DIAPH3: variants seen among roughly 807,000 people sequenced by gnomAD.
The protein encoded by DIAPH3 is protein diaphanous homolog 3.
A neutral mutation model predicts 144.3 loss-of-function variants in DIAPH3; 117 were observed. That is an observed-to-expected ratio of 0.81 (90% CI 0.70 to 0.95). The LOEUF (loss-of-function observed/expected upper bound fraction) is 0.95. DIAPH3 is among the 40% of genes least tolerant of loss of function. The probability of loss-of-function intolerance (pLI) is 0.00; values close to 1 mark genes in which losing one functional copy is unlikely to be tolerated. For missense variants in DIAPH3, 1,421 were observed against 1,412.7 expected, an observed-to-expected ratio of 1.01 and a Z score of -0.09; for synonymous variants, 519 against 488.9, an observed-to-expected ratio of 1.06 and a Z score of -0.81.
In DIAPH3 at chr13:59,955,503, A is replaced by G. The variant is rs559663267; in HGVS notation, c.2074+14441T>C. Among the ~76,000 whole-genome samples the G allele has an allele frequency of 2.6e-4, 39 of 152,210 alleles. 1 individual carries two copies. Among genetic ancestry groups the G allele is most frequent in the Middle Eastern group, 3.4e-3 (1 of 294 alleles). ...TTAAACTTCTTTTTCTTTATGAATT[A>G]CCCAGTCTCGGGTATATCTTTATTA... is the stretch of plus-strand genomic sequence containing the variant. On this transcript the variant is annotated intron_variant, in intron 17 of 27. Transcript: ENST00000400324.
chr13:59,795,049 G>C (rs973368631), intron 25 of DIAPH3, among the ~76,000 whole-genome samples: 1 of 152,200 alleles, frequency 6.6e-6, no homozygotes, highest in Admixed American at 6.5e-5. Context: ...CCTGTGGGCC[G>C]CAGTTAGCTC....
chr13:60,008,127 C>T (rs1369548027), intron 9 of DIAPH3, among the ~76,000 whole-genome samples: 1 of 152,176 alleles, frequency 6.6e-6, no homozygotes, highest in Non-Finnish European at 1.5e-5. Context: ...GACGCAGTGG[C>T]TCATGCCTGT....
intron 1 of DIAPH3, among the ~76,000 whole-genome samples, chr13:60,162,640 A>G (rs936629354): frequency 1.3e-5 from 2 of 152,212 alleles, no homozygotes; most frequent in African/African-American, 4.8e-5. Flanking sequence ...GTATCAGAAT[A>G]TGGGCTCTCA....
rs537323437 is a variant in DIAPH3 at position 60,072,632 on chromosome 13, T to C, written c.495+20996A>G. 9.8e-5 allele frequency among the ~76,000 whole-genome samples: 15 copies of C among 152,364 alleles called. No homozygotes were observed. In the South Asian group the frequency reaches 1.7e-3, roughly 17 times the overall value. On this transcript the variant is annotated intron_variant, in intron 4 of 27. Transcript: ENST00000400324. ...TCAAAATATACCTCATACTGCTTACTATAAGTTATAGTTACTAAAGGTCTC... is the reference window on the plus strand; with the variant it reads ...TCAAAATATACCTCATACTGCTTACCATAAGTTATAGTTACTAAAGGTCTC...
At chr13:59,799,569 G>A (rs2039797467) in intron 25 of DIAPH3, among the ~76,000 whole-genome samples, 1 of 152,148 alleles carries the variant, frequency 6.6e-6, no homozygotes, top group African/African-American at 2.4e-5. Flanking sequence ...AAAAGTATAA[G>A]AGCACATAAA....
At chr13:60,085,120 A>G (rs189586011) in intron 4 of DIAPH3, among the ~76,000 whole-genome samples, 2 of 152,220 alleles carry the variant, frequency 1.3e-5, no homozygotes, top group East Asian at 3.9e-4. Flanking sequence ...TCTCCTTACT[A>G]ATATCTGTTC....
chr13:59,989,200 A>G (rs2051636434), intron 12 of DIAPH3, among the ~76,000 whole-genome samples: 1 of 151,842 alleles, frequency 6.6e-6, no homozygotes, highest in Non-Finnish European at 1.5e-5. Flanking sequence ...GATGAAACCA[A>G]AAAATGAAGG....
chr13:60,126,920 C>G (rs1032157655), intron 2 of DIAPH3, among the ~76,000 whole-genome samples: 7 of 151,400 alleles, frequency 4.6e-5, no homozygotes, highest in African/African-American at 1.7e-4. Context: ...TGTTAGCAAA[C>G]AAAGGTATTA....
chr13:59,944,662 T>C (rs1488789383), intron 17 of DIAPH3, among the ~76,000 whole-genome samples: 1 of 152,180 alleles, frequency 6.6e-6, no homozygotes, highest in African/African-American at 2.4e-5. Context: ...CTGCTACCCA[T>C]ACCTTGTGTA....
chr13:59,945,147 T>C (rs1229914687), intron 17 of DIAPH3, among the ~76,000 whole-genome samples: 4 of 152,094 alleles, frequency 2.6e-5, no homozygotes, highest in Non-Finnish European at 5.9e-5. Flanking sequence ...AATCCACACC[T>C]CAAATCTCAT....
chr13:60,118,611 A>C (rs2058757099), intron 2 of DIAPH3, among the ~76,000 whole-genome samples: 1 of 152,194 alleles, frequency 6.6e-6, no homozygotes, highest in African/African-American at 2.4e-5. Context: ...GAGGGGGTAA[A>C]AACCTAACAG....
intron 27 of DIAPH3, among the ~76,000 whole-genome samples, chr13:59,672,844 T>C (rs1056010708): frequency 2.6e-5 from 4 of 152,192 alleles, no homozygotes; most frequent in African/African-American, 7.2e-5. Flanking sequence ...TAAAACAAAT[T>C]ATGTAAAAAC....
intron 14 of DIAPH3, among the ~76,000 whole-genome samples, chr13:59,978,379 T>A (rs1172922546): frequency 6.6e-6 from 1 of 151,536 alleles, no homozygotes; most frequent in Admixed American, 6.6e-5. Context: ...AGAAAAAAAA[T>A]TACGTTCTTA....
intron 23 of DIAPH3, among the ~76,000 whole-genome samples, chr13:59,835,306 A>G (rs1287105332): frequency 6.6e-6 from 1 of 151,780 alleles, no homozygotes; most frequent in Admixed American, 6.6e-5. Flanking sequence ...ATTTTAGAGT[A>G]TGGAGACAGA....
intron 23 of DIAPH3, among the ~76,000 whole-genome samples, chr13:59,836,698 T>C (rs1055014378): frequency 6.6e-6 from 1 of 151,942 alleles, no homozygotes; most frequent in Non-Finnish European, 1.5e-5. Flanking sequence ...CACTAAATTA[T>C]AATTATTTAA....
intron 2 of DIAPH3, among the ~76,000 whole-genome samples, chr13:60,118,566 T>G (rs1594715000): frequency 1.3e-5 from 2 of 151,850 alleles, no homozygotes; most frequent in Non-Finnish European, 2.9e-5. Context: ...CTGCTTGAAA[T>G]TCTCTATTTT....
intron 20 of DIAPH3, among the ~76,000 whole-genome samples, chr13:59,904,269 C>T (rs984935666): frequency 4.6e-5 from 7 of 151,962 alleles, no homozygotes; most frequent in African/African-American, 1.7e-4. Flanking sequence ...GTGGGAAGGA[C>T]GGGATTACAG....
chr13:60,101,569 T>G (rs2058269798), intron 3 of DIAPH3, among the ~76,000 whole-genome samples: 1 of 152,168 alleles, frequency 6.6e-6, no homozygotes, highest in African/African-American at 2.4e-5. Flanking sequence ...TAGTGTATTT[T>G]AGTTGCGGTC....
At chr13:60,025,969 G>A (rs2054344974) in intron 5 of DIAPH3, among the ~76,000 whole-genome samples, 1 of 152,136 alleles carries the variant, frequency 6.6e-6, no homozygotes, top group Non-Finnish European at 1.5e-5. Flanking sequence ...ATCTTGAAGT[G>A]GAATGATGCT....
Sources: gnomAD v4.1 joint callset for allele counts (sites outside exome capture counted in the v4.1 genomes callset) on GRCh38, gnomAD v4.1.1 for gene constraint, MANE v1.5 for transcripts, NCBI Gene and HGNC (gene_info 2026-07-23, HGNC 2026-07-21) for gene names.